DYM: variants seen among roughly 807,000 people sequenced by gnomAD.
DYM encodes dymeclin.
In DYM, 78 loss-of-function variants were observed where a neutral mutation model predicts 93.1. That is an observed-to-expected ratio of 0.84 (90% CI 0.70 to 1.01). DYM has a LOEUF of 1.01. Among genes scored for constraint, DYM ranks in the 50% least tolerant of loss-of-function variants. The pLI, the probability that DYM is intolerant of heterozygous loss-of-function variation, is 0.00. For synonymous variants in DYM, 321 were observed against 319.7 expected, an observed-to-expected ratio of 1.00 and a Z score of -0.04; for missense variants, 789 against 845.0, an observed-to-expected ratio of 0.93 and a Z score of 0.82.
At chr18:49,124,067 G>C (rs2878902) in intron 15 of DYM, among the ~76,000 whole-genome samples, 1 of 152,066 alleles carries the variant, frequency 6.6e-6, no homozygotes, top group South Asian at 2.1e-4. Flanking sequence ...CAAACACATT[G>C]AGAGTTTGTT....
intron 5 of DYM, among the ~76,000 whole-genome samples, chr18:49,371,142 T>G (rs189903876): frequency 4.6e-5 from 7 of 152,268 alleles, no homozygotes; most frequent in Non-Finnish European, 8.8e-5. Context: ...TGGCATCAGG[T>G]GTTACAGGCC....
At chr18:49,209,819 G>A (rs1398512389) in intron 13 of DYM, 104 bp from the exon 14 acceptor site, 11 of 653,860 alleles carry the variant, frequency 1.7e-5, no homozygotes, top group Non-Finnish European at 1.8e-5. Context: ...ATCTTCACTA[G>A]ATGGTGCCCA....
chr18:49,129,979 A>C (rs1411990963), intron 15 of DYM, among the ~76,000 whole-genome samples: 3 of 152,220 alleles, frequency 2.0e-5, no homozygotes, highest in Admixed American at 1.3e-4. Context: ...TAAAAGCAAA[A>C]AACTTTCTAG....
chr18:49,256,950 T>C (rs965755340), intron 13 of DYM, 60 bp downstream of exon 13: 140 of 1,368,984 alleles, frequency 1.0e-4, no homozygotes, highest in Non-Finnish European at 1.4e-4. Flanking sequence ...ACCACCATAG[T>C]ATCCATCTTA....
intron 13 of DYM, among the ~76,000 whole-genome samples, chr18:49,216,140 C>G (rs1263519151): frequency 1.3e-5 from 2 of 152,230 alleles, no homozygotes; most frequent in East Asian, 3.9e-4. Flanking sequence ...CACGGAGTCT[C>G]ACTGACTGCT....
rs375629967 is a variant in DYM at position 49,202,887 on chromosome 18, G to A, written c.1625+6664C>T. Among the ~76,000 whole-genome samples, 333 of 106,592 alleles carry A rather than the reference G, an allele frequency of 3.1e-3. 1 individual carries two copies. Among genetic ancestry groups the A allele is most frequent in the East Asian group, 8.0e-3 (17 of 2,132 alleles). 69.9% of individuals were successfully genotyped at this position (106,592 alleles called of 152,430 possible). The stretch of plus-strand genomic sequence containing the variant: ...AGCGTCTCCGCCCGGCAGCCACCCC[G>A]TCCGGGAGGGAGGTTGGGGGGGGTC... On this transcript the variant is annotated intron_variant, in intron 14 of 17. Transcript: ENST00000675505.
intron 6 of DYM, among the ~76,000 whole-genome samples, chr18:49,352,228 C>T (rs1045520441): frequency 6.6e-6 from 1 of 152,152 alleles, no homozygotes; most frequent in Non-Finnish European, 1.5e-5. Flanking sequence ...TGAAGAGTGA[C>T]TGCTAATGGG....
At chr18:49,277,042 A>G (rs2094861187) in intron 10 of DYM, among the ~76,000 whole-genome samples, 1 of 152,178 alleles carries the variant, frequency 6.6e-6, no homozygotes, top group African/African-American at 2.4e-5. Flanking sequence ...TGCCAACTCT[A>G]TGGATGGCTC....
At chr18:49,396,161 A>C (rs933057015) in intron 2 of DYM, among the ~76,000 whole-genome samples, 2 of 152,202 alleles carry the variant, frequency 1.3e-5, no homozygotes, top group African/African-American at 4.8e-5. Flanking sequence ...CAGAAGTGTG[A>C]GCCAAATAAA....
At position 49,048,236 on chromosome 18, in the gene DYM, G is replaced by A. The variant is rs191678419; in HGVS notation, c.2026-4032C>T. On this transcript the variant is annotated intron_variant, in intron 17 of 17. Coordinates refer to ENST00000675505, the MANE Select transcript of DYM (RefSeq NM_001353214.3). ...TCACGAGAGGACTGTGGTGCTATGTGAAGAAGAAATGAAACTCATCCATGA... is the reference window on the plus strand; with the variant it reads ...TCACGAGAGGACTGTGGTGCTATGTAAAGAAGAAATGAAACTCATCCATGA... The A allele has an allele frequency of 3.3e-5, 5 of 152,314 alleles. No homozygotes were observed. In the East Asian group the frequency reaches 9.6e-4, roughly 29 times the overall value. The allele number at this position is 152,314 out of a possible 1,614,324, so 9.4% of individuals were successfully genotyped here. A position where few individuals can be genotyped will look rare whatever the true frequency, so the allele number is the denominator to read the frequency against.
chr18:49,343,738 G>A (rs1049706841), intron 6 of DYM, among the ~76,000 whole-genome samples: 2 of 151,996 alleles, frequency 1.3e-5, no homozygotes, highest in Admixed American at 6.6e-5. Context: ...ACATCCATTC[G>A]TGTACAAATT....
chr18:49,430,409 A>G lies in DYM; in HGVS notation c.-15T>C, dbSNP rs1447121474. On this transcript the variant is annotated 5_prime_UTR_variant, in exon 2 of 18. Coordinates refer to ENST00000675505, the MANE Select transcript of DYM (RefSeq NM_001353214.3). ...TTCGATCCCATCTTCTAGCTTAAGC[A>G]GATAATTTGTCCTTAAACCTGCATT... The G allele has an allele frequency of 6.2e-7, 1 of 1,612,876 alleles. No homozygotes were observed. Among genetic ancestry groups the G allele is most frequent in the Non-Finnish European group, 8.5e-7 (1 of 1,180,014 alleles).
At chr18:49,284,708 A>C (rs1340300862) in intron 9 of DYM, among the ~76,000 whole-genome samples, 1 of 152,218 alleles carries the variant, frequency 6.6e-6, no homozygotes, top group Non-Finnish European at 1.5e-5. Context: ...CTTGACTCTG[A>C]AACTTGCTTT....
At chr18:49,111,554 A>G (rs2081393842) in intron 16 of DYM, among the ~76,000 whole-genome samples, 1 of 152,182 alleles carries the variant, frequency 6.6e-6, no homozygotes, top group Non-Finnish European at 1.5e-5. Context: ...ATTCACTCAG[A>G]AGGTGAGCTA....
intron 1 of DYM, among the ~76,000 whole-genome samples, chr18:49,437,724 T>C (rs772459874): frequency 1.8e-4 from 28 of 152,212 alleles, no homozygotes; most frequent in Admixed American, 5.2e-4. Context: ...CCACCATTGT[T>C]TAATCAAACT....
intron 14 of DYM, among the ~76,000 whole-genome samples, chr18:49,202,588 G>C (rs1410581919): frequency 1.6e-5 from 2 of 128,042 alleles, no homozygotes; most frequent in Non-Finnish European, 3.3e-5. Context: ...AGGAAGTGAG[G>C]AGCGTCTCTG....
At chr18:49,087,910 A>T (rs1354849399) in intron 17 of DYM, among the ~76,000 whole-genome samples, 2 of 152,184 alleles carry the variant, frequency 1.3e-5, no homozygotes, top group Admixed American at 1.3e-4. Context: ...GGCTGCATAA[A>T]TGTCTTCTTT....
chr18:49,044,029 G>T lies in DYM; in HGVS notation c.*26C>A. Reference sequence around the variant, plus strand: ...ACTTGAAGGGCTGCTTGGCTGGAGGGGTCCGGGTGGGAGAGCATCCTGCCC... The same window carrying T: ...ACTTGAAGGGCTGCTTGGCTGGAGGTGTCCGGGTGGGAGAGCATCCTGCCC... On this transcript the variant is annotated 3_prime_UTR_variant, in exon 18 of 18. Coordinates refer to ENST00000675505, the MANE Select transcript of DYM (RefSeq NM_001353214.3). 6.2e-7 allele frequency: 1 copy of T among 1,612,234 alleles called. No individual in the cohort carries two copies. The highest frequency in any genetic ancestry group is 2.2e-5 in the East Asian group (1 of 44,852).
chr18:49,214,677 T>C (rs2092945514), intron 13 of DYM, among the ~76,000 whole-genome samples: 1 of 152,194 alleles, frequency 6.6e-6, no homozygotes, highest in Non-Finnish European at 1.5e-5. Context: ...GATGGTATGA[T>C]ATTTGACATG....
Sources: gnomAD v4.1 joint callset for allele counts (sites outside exome capture counted in the v4.1 genomes callset) on GRCh38, gnomAD v4.1.1 for gene constraint, MANE v1.5 for transcripts, NCBI Gene and HGNC (gene_info 2026-07-23, HGNC 2026-07-21) for gene names.